CACNA1A: variants seen among roughly 807,000 people sequenced by gnomAD.
The protein encoded by CACNA1A is voltage-dependent P/Q-type calcium channel subunit alpha-1A.
CACNA1A carries 57 observed loss-of-function variants against 262.4 expected under a neutral mutation model. The observed-to-expected ratio is 0.22, with a 90% CI of 0.18 to 0.27. The LOEUF (loss-of-function observed/expected upper bound fraction) is 0.27, where lower values mean the gene tolerates loss of function less well. Ranked by LOEUF, CACNA1A falls within the 10% of genes least tolerant of loss-of-function variation. The pLI, the probability that CACNA1A is intolerant of heterozygous loss-of-function variation, is 1.00. For missense variants in CACNA1A, 2,526 were observed against 3,562.8 expected, an observed-to-expected ratio of 0.71 and a Z score of 7.41; for synonymous variants, 1,431 against 1,419.3, an observed-to-expected ratio of 1.01 and a Z score of -0.18.
chr19:13,498,706 A>G (rs75981773), intron 1 of CACNA1A, among the ~76,000 whole-genome samples: 2,589 of 152,322 alleles, frequency 0.017, 26 homozygotes, highest in Non-Finnish European at 0.027. Context: ...TAAAAGCTGC[A>G]TTCATTCCAA....
Position 13,227,525 on chromosome 19 carries a change from C to A in CACNA1A, c.5531G>T (p.Gly1844Val). The change falls in exon 37 of 47, where the codon GGC becomes GTC. Residue 1844 changes from glycine (G) to valine (V), a missense_variant and splice_region_variant. Gly to Val is a moderately radical substitution (Grantham distance 109, BLOSUM62 -3). Transcript: ENST00000360228. ...VWAEYDPAAW[G>V]RMPYLDMYQM... ...ATACATGTCCAGGTAAGGCATGCGG[C>A]CCCTGGCAGCACCGAAAATGAAAAA... is the stretch of plus-strand genomic sequence containing the variant. 1 of 1,549,734 alleles carries A rather than the reference C, an allele frequency of 6.5e-7. No homozygotes were observed. Among genetic ancestry groups the A allele is most frequent in the Non-Finnish European group, 8.7e-7 (1 of 1,143,386 alleles).
At chr19:13,396,507 T>C (rs2059814296) in intron 3 of CACNA1A, among the ~76,000 whole-genome samples, 1 of 152,228 alleles carries the variant, frequency 6.6e-6, no homozygotes, top group Admixed American at 6.5e-5. Context: ...TTCTGATCTG[T>C]CCAATATGGT....
intron 44 of CACNA1A, among the ~76,000 whole-genome samples, chr19:13,210,008 A>G (rs2144509562): frequency 6.6e-6 from 1 of 152,134 alleles, no homozygotes; most frequent in South Asian, 2.1e-4. Context: ...CCTCCCGGCT[A>G]ACGGGGCTGT....
At chr19:13,246,441 G>A (rs1482987160) in intron 30 of CACNA1A, among the ~76,000 whole-genome samples, 2 of 152,134 alleles carry the variant, frequency 1.3e-5, no homozygotes, top group East Asian at 1.9e-4. Flanking sequence ...GCTACTCTGT[G>A]AGCCTGGGTC....
chr19:13,415,787 C>T lies in CACNA1A; in HGVS notation c.539+37089G>A, dbSNP rs1224597841. Among the ~76,000 whole-genome samples, 5 of 103,204 alleles carry T rather than the reference C, an allele frequency of 4.8e-5. No individual in the cohort carries two copies. The South Asian group carries it at 9.5e-4, about 20-fold the overall frequency. The allele number at this position is 103,204 out of a possible 152,430, so 67.7% of individuals were successfully genotyped here. ...AAAAAAAAAAAAGTAGATGGGGCCT[C>T]AGAATTCACTGAGGCCAATTTCCTG... On this transcript the variant is annotated intron_variant, in intron 3 of 46. Transcript: ENST00000360228.
At chr19:13,380,731 T>C (rs1262838373) in intron 3 of CACNA1A, among the ~76,000 whole-genome samples, 1 of 108,890 alleles carries the variant, frequency 9.2e-6, no homozygotes, top group African/African-American at 3.8e-5. Context: ...ATTCATTTAT[T>C]GGTTTGTTTG....
In CACNA1A at chr19:13,286,951, G is replaced by C. The variant is rs768168157; in HGVS notation, c.3105C>G (p.Ser1035=). The change falls in exon 20 of 47, where the codon TCC becomes TCG. Residue 1035 remains serine (S), a synonymous_variant. Transcript: ENST00000360228. ...GGTTGGGGCCCGACACAGGGACCCC[G>C]GAGCCCTGGTTCTCTCTGAGGAAGG... The part of the protein sequence containing the change: ...RHRRRKENQG[S]GVPVSGPNLS... 3.1e-6 allele frequency: 5 copies of C among 1,602,096 alleles called. No individual in the cohort carries two copies. Among genetic ancestry groups the C allele is most frequent in the Non-Finnish European group, 4.3e-6 (5 of 1,173,154 alleles).
intron 3 of CACNA1A, among the ~76,000 whole-genome samples, chr19:13,435,559 C>T (rs2060596031): frequency 6.6e-6 from 1 of 152,124 alleles, no homozygotes; most frequent in Non-Finnish European, 1.5e-5. Context: ...AGCCTGTCCT[C>T]ATTTTCCCAG....
chr19:13,404,811 T>G (rs951521760), intron 3 of CACNA1A, among the ~76,000 whole-genome samples: 4 of 151,888 alleles, frequency 2.6e-5, no homozygotes, highest in African/African-American at 9.7e-5. Context: ...TGTGGAAGAG[T>G]GTTATTCCAA....
Position 13,406,465 on chromosome 19 carries a change from T to TTTTATA in CACNA1A, c.540-34687_540-34686insTATAAA, listed in dbSNP as rs1555781801. Among the ~76,000 whole-genome samples the TTTTATA allele has an allele frequency of 3.6e-3, 114 of 31,544 alleles. 2 individuals are homozygous for TTTTATA. The highest frequency in any genetic ancestry group is 0.013 in the South Asian group (8 of 600). 20.7% of individuals were successfully genotyped at this position (31,544 alleles called of 152,430 possible). A position where few individuals can be genotyped will look rare whatever the true frequency, so the allele number is the denominator to read the frequency against. Reference sequence around the variant, plus strand: ...GGGAGACTCTGTCTCAAAAAAAAAATTATATATATATATATATATATATAT... The same window carrying TTTTATA: ...GGGAGACTCTGTCTCAAAAAAAAAATTTTATATATATATATATATATATATATATAT... On this transcript the variant is annotated intron_variant, in intron 3 of 46. Transcript: ENST00000360228.
chr19:13,212,687 T>C lies in CACNA1A; in HGVS notation c.5994A>G (p.Glu1998=), dbSNP rs16045. ...QRMEPPSPTQ[E]GGPGQNALPS... ...GGAGGGCGTTCTGGCCAGGTCCCCC[T>C]TCCTGCGTTGGGGACGGGGGCTCCA... The change falls in exon 41 of 47, where the codon GAA becomes GAG. Residue 1998 remains glutamate, a synonymous_variant. Coordinates refer to ENST00000360228, the MANE Select transcript of CACNA1A (RefSeq NM_001127222.2). The surrounding 1 kb of genome is among the most constrained non-coding windows in gnomAD (Gnocchi z 5.6). The C allele has an allele frequency of 6.6e-5, 99 of 1,511,180 alleles. 1 individual carries two copies. The East Asian group carries it at 2.2e-3, about 33-fold the overall frequency. The allele number at this position is 1,511,180 out of a possible 1,614,324, so 93.6% of individuals were successfully genotyped here.
chr19:13,269,622 G>A (rs188967569), intron 24 of CACNA1A, among the ~76,000 whole-genome samples: 47 of 152,318 alleles, frequency 3.1e-4, no homozygotes, highest in Non-Finnish European at 4.7e-4. Flanking sequence ...GACTCTTGGC[G>A]GTGAGGGCAG....
chr19:13,376,936 A>T (rs947085139), intron 3 of CACNA1A, among the ~76,000 whole-genome samples: 3 of 145,140 alleles, frequency 2.1e-5, no homozygotes, highest in African/African-American at 7.5e-5. Context: ...TATATATATA[A>T]TTTATATTAC....
chr19:13,242,964 A>T (rs1171404252), intron 31 of CACNA1A, among the ~76,000 whole-genome samples: 1 of 152,152 alleles, frequency 6.6e-6, no homozygotes, highest in African/African-American at 2.4e-5. Context: ...CAGCCAGGAG[A>T]ACAGGCTGTT....
rs71168691 is a variant in CACNA1A at position 13,224,486 on chromosome 19, CAAAA to C, written c.5731+177_5731+180del. Among the ~76,000 whole-genome samples, 1,005 of 113,320 alleles carry C rather than the reference CAAAA, an allele frequency of 8.9e-3. 6 individuals carry two copies. The highest frequency in any genetic ancestry group is 0.014 in the Non-Finnish European group (760 of 56,034). The allele number at this position is 113,320 out of a possible 152,430, so 74.3% of individuals were successfully genotyped here. A position where few individuals can be genotyped will look rare whatever the true frequency, so the allele number is the denominator to read the frequency against. On this transcript the variant is annotated intron_variant, in intron 38 of 46. Transcript: ENST00000360228. ...TGGGCAACAGAGCAAGACTCTGTCT[CAAAA>C]AAAAAAAAAAAAAAACACCAAAACC...
intron 1 of CACNA1A, among the ~76,000 whole-genome samples, chr19:13,492,859 C>T (rs1275123593): frequency 1.3e-5 from 2 of 152,128 alleles, no homozygotes; most frequent in Non-Finnish European, 2.9e-5. Context: ...AATGAACGCA[C>T]TCCTTCCCAT....
At chr19:13,225,625 C>T (rs2055406690) in intron 37 of CACNA1A, 1 of 151,092 alleles carries the variant, frequency 6.6e-6, no homozygotes, top group Non-Finnish European at 1.5e-5. Flanking sequence ...GTGAGGGCAA[C>T]TTGGGTGGGG....
intron 22 of CACNA1A, among the ~76,000 whole-genome samples, chr19:13,281,379 T>TA (rs753890670): frequency 0.43 from 43,674 of 102,518 alleles, 8,954 homozygotes; most frequent in African/African-American, 0.53. Context: ...CATTGTCTCT[T>TA]AAAAAAAAAA....
At chr19:13,254,951 T>G (rs1600179919) in intron 29 of CACNA1A, 144 bp downstream of exon 29, 7 of 767,142 alleles carry the variant, frequency 9.1e-6, no homozygotes, top group Non-Finnish European at 2.1e-6. Flanking sequence ...GTGTGTCAGG[T>G]AGAGGGAACA....
Sources: gnomAD v4.1 joint callset for allele counts (sites outside exome capture counted in the v4.1 genomes callset) on GRCh38, gnomAD v4.1.1 for gene constraint, Gnocchi (gnomAD v3.1) non-coding constraint, MANE v1.5 for transcripts, NCBI Gene and HGNC (gene_info 2026-07-23, HGNC 2026-07-21) for gene names.